PRRT4: variants seen among roughly 807,000 people sequenced by gnomAD.
PRRT4 encodes the protein proline-rich transmembrane protein 4.
PRRT4 carries 59 observed loss-of-function variants against 55.6 expected under a neutral mutation model. The ratio of observed to expected loss-of-function variants is 1.06; its 90% CI spans 0.86 to 1.32. The LOEUF is 1.32. PRRT4 is among the 40% of genes most tolerant of loss of function. PRRT4 has a pLI of 0.00. For synonymous variants in PRRT4, 606 were observed against 601.8 expected (o/e 1.01, Z -0.10); for missense variants, 1,217 against 1,222.0 (o/e 1.00, Z 0.06).
At chr7:128,355,118 C>T (rs1466279564) in intron 4 of PRRT4, among the ~76,000 whole-genome samples, 1 of 152,168 alleles carries the variant, frequency 6.6e-6, no homozygotes, top group South Asian at 2.1e-4. Flanking sequence ...AGAAAGACAA[C>T]GATTAGTCAA....
downstream of PRRT4, chr7:128,350,804 A>T: frequency 6.5e-7 from 1 of 1,533,662 alleles, no homozygotes; most frequent in African/African-American, 1.4e-5. Flanking sequence ...GGTCTCGGGC[A>T]GGGCAGGCGC....
Position 128,358,766 on chromosome 7 carries a change from G to T in PRRT4, c.792C>A (p.Tyr264Ter), listed in dbSNP as rs1797169410. The T allele has an allele frequency of 6.4e-7, 1 of 1,551,312 alleles. No homozygotes were observed. The highest frequency in any genetic ancestry group is 1.4e-5 in the African/African-American group (1 of 73,150). The change falls in exon 4 of 5, where the codon TAC (tyrosine) becomes TAA (stop). Residue 264 changes from tyrosine to a stop codon, truncating the protein, a stop_gained. Transcript: ENST00000535159. LOFTEE classifies it high-confidence loss of function. The surrounding 1 kb of genome is among the most constrained non-coding windows in gnomAD (Gnocchi z 4.4). ...GGCTGGAGAGCTTCCTCTCCAGGGA[G>T]TATGGGGGCAGGGACAGAGTGGTAC... is the stretch of plus-strand genomic sequence containing the variant.
chr7:128,359,987 G>C (rs924911805), exon 2 of PRRT4: 1 of 1,313,516 alleles, frequency 7.6e-7, no homozygotes, highest in Non-Finnish European at 9.8e-7. Flanking sequence ...GCCATGCCTG[G>C]CCATGGCCCC....
exon 5 of PRRT4, chr7:128,351,955 C>T: frequency 1.5e-6 from 2 of 1,298,604 alleles, no homozygotes; most frequent in South Asian, 2.3e-5. Flanking sequence ...GCCCTTGAAG[C>T]CCGACCCTCC....
intron 3 of PRRT4, 130 bp downstream of exon 4, chr7:128,359,019 A>G: frequency 8.3e-7 from 1 of 1,211,966 alleles, no homozygotes. Flanking sequence ...TGGAAGTAGT[A>G]GCCCATATCC....
chr7:128,358,897 T>G lies in PRRT4; in HGVS notation c.758-97A>C. The stretch of plus-strand genomic sequence containing the variant: ...TTATGTCCTTCCCCAGAGTTTGTCC[T>G]AAGGAAGTCACTGTCCCAGGAATTG... On this transcript the variant is annotated intron_variant, in intron 3 of 4. Coordinates refer to ENST00000535159, the Ensembl canonical transcript of PRRT4. This position sits in a 1 kb window ranked among gnomAD's most constrained non-coding sequence, Gnocchi z 4.4. The G allele has an allele frequency of 6.8e-7, 1 of 1,460,816 alleles. No homozygotes were observed. Among genetic ancestry groups the G allele is most frequent in the Non-Finnish European group, 9.0e-7 (1 of 1,107,766 alleles). The allele number at this position is 1,460,816 out of a possible 1,614,324, so 90.5% of individuals were successfully genotyped here. A position where few individuals can be genotyped will look rare whatever the true frequency, so the allele number is the denominator to read the frequency against.
chr7:128,351,438 C>T (rs1796964528), exon 5 of PRRT4: 1 of 1,525,766 alleles, frequency 6.6e-7, no homozygotes, highest in East Asian at 2.5e-5. Flanking sequence ...AAGCCGGGGA[C>T]GGGGCCGGGT....
At chr7:128,359,222 C>T in exon 3 of PRRT4, 1 of 1,551,728 alleles carries the variant, frequency 6.4e-7, no homozygotes, top group Non-Finnish European at 8.7e-7. Flanking sequence ...CGGAGAAGTT[C>T]CGGAGTGGGG....
At chr7:128,354,895 C>T (rs1797081865) in intron 4 of PRRT4, among the ~76,000 whole-genome samples, 1 of 152,172 alleles carries the variant, frequency 6.6e-6, no homozygotes, top group African/African-American at 2.4e-5. Flanking sequence ...AAAAATGAGA[C>T]AACGTGTGTA....
chr7:128,350,878 C>T (rs1239967736), exon 5 of PRRT4: 8 of 1,551,100 alleles, frequency 5.2e-6, no homozygotes, highest in African/African-American at 2.7e-5. Context: ...GGTGTCGCTG[C>T]CCACGCTCAG....
intron 4 of PRRT4, among the ~76,000 whole-genome samples, chr7:128,354,570 AACACACACAC>A (rs927167837): frequency 1.2e-5 from 1 of 83,486 alleles, no homozygotes; most frequent in East Asian, 3.1e-4. Context: ...GCTCAAAAAA[AACACACACAC>A]ACACACACAC....
exon 2 of PRRT4, chr7:128,360,062 T>A: frequency 8.1e-7 from 1 of 1,229,764 alleles, no homozygotes; most frequent in Middle Eastern, 3.0e-4. Flanking sequence ...AGGAGGAAGG[T>A]CCTGGAGAGA....
chr7:128,359,947 G>A (rs1325185867), exon 2 of PRRT4: 11 of 1,450,174 alleles, frequency 7.6e-6, no homozygotes, highest in African/African-American at 1.4e-5. Flanking sequence ...CAGCAAACAG[G>A]ACGCAGCAGA....
chr7:128,352,722 C>A, intron 4 of PRRT4, 44 bp from the exon 6 acceptor site: 1 of 1,464,338 alleles, frequency 6.8e-7, no homozygotes, highest in South Asian at 1.4e-5. Context: ...ATGCAGCCCT[C>A]CCCTTACCCA....
exon 2 of PRRT4, chr7:128,359,489 G>T: frequency 1.4e-6 from 2 of 1,464,112 alleles, no homozygotes; most frequent in Non-Finnish European, 9.0e-7. Flanking sequence ...GGGCCTGGGA[G>T]CACTGGATGG....
At chr7:128,352,423 G>A in exon 5 of PRRT4, 4 of 1,537,358 alleles carry the variant, frequency 2.6e-6, no homozygotes, top group Non-Finnish European at 2.6e-6. Context: ...CGCCAGCAAG[G>A]CAACCAGGCC....
chr7:128,351,486 C>T (rs1207626465), exon 5 of PRRT4: 2 of 1,519,368 alleles, frequency 1.3e-6, no homozygotes. Flanking sequence ...AACCTCCGCC[C>T]TGGAGTAGGA....
intron 4 of PRRT4, among the ~76,000 whole-genome samples, chr7:128,354,005 AC>A (rs1357886033): frequency 6.6e-6 from 1 of 152,184 alleles, no homozygotes; most frequent in Non-Finnish European, 1.5e-5. Flanking sequence ...TGGAAGCTGA[AC>A]CTCTATCTGC....
chr7:128,356,954 C>G (rs902534744), intron 4 of PRRT4, among the ~76,000 whole-genome samples: 1 of 152,166 alleles, frequency 6.6e-6, no homozygotes, highest in Non-Finnish European at 1.5e-5. Flanking sequence ...TGACACCAGC[C>G]AGAGTGGTCA....
Sources: allele counts gnomAD v4.1 joint callset (sites outside exome capture counted in the v4.1 genomes callset), GRCh38; gene constraint gnomAD v4.1.1; non-coding constraint Gnocchi (gnomAD v3.1); transcripts MANE v1.5; gene names NCBI Gene and HGNC (gene_info 2026-07-23, HGNC 2026-07-21).